Variants in USP34 observed in about 807,000 individuals in gnomAD.
USP34 encodes the protein ubiquitin specific peptidase 34, also known as ubiquitin carboxyl-terminal hydrolase 34.
Under a neutral mutation model 460.3 loss-of-function variants are expected in USP34, and 70 were observed. The observed-to-expected ratio is 0.15, with a 90% CI of 0.13 to 0.19. The LOEUF (loss-of-function observed/expected upper bound fraction) is 0.19. USP34 is among the 10% of genes least tolerant of loss of function. The pLI is 1.00. For missense variants in USP34, 3,985 were observed against 4,236.2 expected, an observed-to-expected ratio of 0.94 and a Z score of 1.65; for synonymous variants, 1,647 against 1,405.3, an observed-to-expected ratio of 1.17 and a Z score of -3.85.
intron 21 of USP34, among the ~76,000 whole-genome samples, chr2:61,322,886 C>T (rs1254472129): frequency 5.3e-5 from 8 of 152,042 alleles, no homozygotes; most frequent in Non-Finnish European, 1.0e-4. Flanking sequence ...TAATTATAGT[C>T]AACTAAATAA....
chr2:61,292,305 G>C (rs1193141778), intron 33 of USP34, among the ~76,000 whole-genome samples: 3 of 152,052 alleles, frequency 2.0e-5, no homozygotes, highest in Non-Finnish European at 2.9e-5. Context: ...TATTAAGAGA[G>C]ATGCACTATA....
intron 18 of USP34, among the ~76,000 whole-genome samples, chr2:61,335,378 G>A (rs1328287715): frequency 3.9e-5 from 6 of 152,150 alleles, no homozygotes; most frequent in Admixed American, 3.3e-4. Context: ...ATTCTTTCAA[G>A]ACTGAAAATT....
At position 61,190,308 on chromosome 2, in the gene USP34, C is replaced by T. The variant is rs775526136; in HGVS notation, c.9836G>A (p.Arg3279Gln). Reference protein sequence around the residue: ...YQNLQSDFSNRVEISKASASL... With the variant: ...YQNLQSDFSNQVEISKASASL... ...AGCACTTGCTTTGGAAATTTCAACTCGGTTGGAGAAATCAGACTGTAGGTT... is the reference window on the plus strand; with the variant it reads ...AGCACTTGCTTTGGAAATTTCAACTTGGTTGGAGAAATCAGACTGTAGGTT... The change falls in exon 78 of 80, where the codon CGA becomes CAA. Residue 3279 changes from arginine (R) to glutamine (Q), a missense_variant. Arg to Gln is a conservative substitution (Grantham distance 43, BLOSUM62 1). Coordinates refer to ENST00000398571, the MANE Select transcript of USP34 (RefSeq NM_014709.4). 83 of 1,613,528 alleles carry T rather than the reference C, an allele frequency of 5.1e-5. No homozygotes were observed. The highest frequency in any genetic ancestry group is 6.7e-5 in the African/African-American group (5 of 74,854).
intron 37 of USP34, among the ~76,000 whole-genome samples, chr2:61,282,642 T>G (rs1018528273): frequency 7.2e-5 from 11 of 152,156 alleles, no homozygotes; most frequent in South Asian, 2.1e-4. Flanking sequence ...GTTAAAAAAC[T>G]AGCTGGGCAT....
intron 15 of USP34, among the ~76,000 whole-genome samples, chr2:61,345,125 T>C (rs1017670144): frequency 6.6e-6 from 1 of 151,700 alleles, no homozygotes; most frequent in Non-Finnish European, 1.5e-5. Context: ...ATACAAAAAT[T>C]AGCTGGGGCA....
chr2:61,268,122 C>T (rs1689107394), intron 41 of USP34, among the ~76,000 whole-genome samples: 1 of 152,132 alleles, frequency 6.6e-6, no homozygotes, highest in African/African-American at 2.4e-5. Flanking sequence ...GAAGAACCTA[C>T]ACAGACTATG....
intron 1 of USP34, among the ~76,000 whole-genome samples, chr2:61,448,893 G>C (rs566047817): frequency 6.6e-6 from 1 of 152,344 alleles, no homozygotes; most frequent in South Asian, 2.1e-4. Context: ...AGTGGCTCAT[G>C]CCTGTAATCT....
Position 61,206,745 on chromosome 2 carries a change from T to C in USP34, c.9046+15A>G. On this transcript the variant is annotated intron_variant, in intron 71 of 79. Coordinates refer to ENST00000398571, the MANE Select transcript of USP34 (RefSeq NM_014709.4). ...AGTAGCACGAACAAAACATAAGAAG[T>C]AGGAATGAGCAAACCTTTTCTCTGA... 2.5e-6 allele frequency: 4 copies of C among 1,611,444 alleles called. No individual in the cohort carries two copies. The South Asian group carries it at 3.3e-5, about 13-fold the overall frequency.
At chr2:61,355,331 A>G (rs2103797482) in intron 10 of USP34, among the ~76,000 whole-genome samples, 1 of 152,340 alleles carries the variant, frequency 6.6e-6, no homozygotes, top group South Asian at 2.1e-4. Context: ...TAATACTGAA[A>G]TTTCAGTTTG....
intron 7 of USP34, among the ~76,000 whole-genome samples, chr2:61,378,913 GAA>G (rs34463913): frequency 0.039 from 2,263 of 57,898 alleles, 15 homozygotes; most frequent in Non-Finnish European, 0.046. Context: ...TCAAAAAAAC[GAA>G]AAAAAAAAAA....
intron 1 of USP34, among the ~76,000 whole-genome samples, chr2:61,446,745 G>A (rs1376942968): frequency 4.7e-5 from 7 of 150,062 alleles, no homozygotes; most frequent in South Asian, 2.1e-4. Context: ...GCAATGAGCC[G>A]AGATCGTGCC....
At chr2:61,280,490 G>A (rs958202216) in intron 38 of USP34, 142 bp from the exon 39 acceptor site, 10 of 400,166 alleles carry the variant, frequency 2.5e-5, no homozygotes, top group African/African-American at 4.2e-5. Context: ...TGGAGTACAC[G>A]CTTAGTTTCT....
In USP34 at chr2:61,227,019, T is replaced by C. The variant is rs1300928605; in HGVS notation, c.7595+48A>G. 1.9e-6 allele frequency: 3 copies of C among 1,545,028 alleles called. No individual in the cohort carries two copies. In the African/African-American group the frequency reaches 4.2e-5, roughly 22 times the overall value. ...CTAGTGGTAAACAATTATGTAAAAA[T>C]AATAAAACCAAACATGCTTTAAACA... On this transcript the variant is annotated intron_variant, in intron 62 of 79. Coordinates refer to ENST00000398571, the MANE Select transcript of USP34 (RefSeq NM_014709.4).
chr2:61,250,249 G>A, intron 48 of USP34: 1 of 183,450 alleles, frequency 5.5e-6, no homozygotes, highest in South Asian at 1.0e-4. Context: ...TCTGAGGAAG[G>A]TTATATTGAG....
rs1293900853 is a variant in USP34 at position 61,206,124 on chromosome 2, T to A, written c.9047A>T (p.Asp3016Val). Residue 3016 changes from aspartate (D) to valine (V), a missense_variant and splice_region_variant, in exon 72 of 80, where the codon GAT becomes GTT. Transcript: ENST00000398571. ...CCACTGGATTAATGCTTGTTTCACA[T>A]CTGCAAATATAAAAGCACATATAAA... Reference protein sequence around the residue: ...KSTRPYLQRKDVKQALIQWQE... With the variant: ...KSTRPYLQRKVVKQALIQWQE... 10 of 1,612,654 alleles carry A rather than the reference T, an allele frequency of 6.2e-6. No homozygotes were observed. The highest frequency in any genetic ancestry group is 8.5e-6 in the Non-Finnish European group (10 of 1,178,994).
chr2:61,417,100 T>G (rs962969151), intron 2 of USP34: 21 of 1,489,248 alleles, frequency 1.4e-5, no homozygotes, highest in Non-Finnish European at 1.8e-5. Flanking sequence ...CGCCTTGTTC[T>G]GCAGCTTGGT....
At chr2:61,399,371 T>C (rs1238429086) in intron 3 of USP34, among the ~76,000 whole-genome samples, 1 of 151,594 alleles carries the variant, frequency 6.6e-6, no homozygotes, top group African/African-American at 2.4e-5. Context: ...TTGAGTTCTA[T>C]CCTGGTATGC....
chr2:61,368,536 T>A (rs1441416533), intron 10 of USP34, among the ~76,000 whole-genome samples: 2 of 151,892 alleles, frequency 1.3e-5, no homozygotes, highest in African/African-American at 4.8e-5. Flanking sequence ...TAGATCATAA[T>A]TATACACACA....
chr2:61,281,174 G>A lies in USP34; in HGVS notation c.5067C>T (p.Asp1689=), dbSNP rs1319435700. 2 of 1,613,884 alleles carry A rather than the reference G, an allele frequency of 1.2e-6. No individual in the cohort carries two copies. The highest frequency in any genetic ancestry group is 2.7e-5 in the African/African-American group (2 of 74,906). ...KLSLSGLDGG[D]SINRSFLLLA... ...ATAGCAGAAAAGAACGATTGATTGAGTCTCCTCCATCCAGCCCTGACAGGG... is the reference window on the plus strand; with the variant it reads ...ATAGCAGAAAAGAACGATTGATTGAATCTCCTCCATCCAGCCCTGACAGGG... The change falls in exon 38 of 80, where the codon GAC becomes GAT. Residue 1689 remains aspartate (D), a synonymous_variant. Coordinates refer to ENST00000398571, the MANE Select transcript of USP34 (RefSeq NM_014709.4).
Sources: allele counts gnomAD v4.1 joint callset (sites outside exome capture counted in the v4.1 genomes callset), GRCh38; gene constraint gnomAD v4.1.1; transcripts MANE v1.5; gene names NCBI Gene and HGNC (gene_info 2026-07-23, HGNC 2026-07-21).